The following IVNS1ABP variants were observed in gnomAD, a reference collection of about 807,000 sequenced individuals.
IVNS1ABP encodes the protein influenza virus NS1A-binding protein.
Under a neutral mutation model 78.9 loss-of-function variants are expected in IVNS1ABP, and 25 were observed. The observed-to-expected ratio is 0.32, with a 90% confidence interval of 0.23 to 0.44. IVNS1ABP has a LOEUF of 0.44. IVNS1ABP is among the 20% of genes least tolerant of loss of function. IVNS1ABP has a pLI of 1.00. For missense variants in IVNS1ABP, 494 were observed against 768.9 expected (o/e 0.64, Z 4.23); for synonymous variants, 241 against 259.7 (o/e 0.93, Z 0.69).
In IVNS1ABP at chr1:185,309,157, T is replaced by C. The variant is rs1665819600; in HGVS notation, c.127A>G (p.Met43Val). The C allele has an allele frequency of 6.3e-7, 1 of 1,591,070 alleles. No individual in the cohort carries two copies. The highest frequency in any genetic ancestry group is 8.5e-7 in the Non-Finnish European group (1 of 1,172,690). Residue 43 changes from methionine (M) to valine (V), a missense_variant, in exon 4 of 15, where the codon ATG becomes GTG. Met to Val is a conservative substitution (Grantham distance 21, BLOSUM62 1). Transcript: ENST00000367498. ...GCTAGCACTGCTCTGTGTGCTAACA[T>C]TTCATGGCCACAGACCTGAAATTAT... Reference protein sequence around the residue: ...DVRLQVCGHEMLAHRAVLACC... With the variant: ...DVRLQVCGHEVLAHRAVLACC...
intron 9 of IVNS1ABP, 40 bp downstream of exon 9, chr1:185,301,394 A>G: frequency 6.2e-7 from 1 of 1,606,684 alleles, no homozygotes; most frequent in Non-Finnish European, 8.5e-7. Context: ...TCTTAAAAAT[A>G]GGTAAGCTGA....
chr1:185,309,536 T>G (rs1372222077), intron 2 of IVNS1ABP, 25 bp from the exon 3 acceptor site: 8 of 1,122,730 alleles, frequency 7.1e-6, no homozygotes, highest in Non-Finnish European at 1.1e-5. Context: ...GAAAGCTGAG[T>G]TATTTTACTT....
chr1:185,305,716 A>G lies in IVNS1ABP; in HGVS notation c.658-73T>C. ...ACTCCACTAGTATGCAGATTACACA[A>G]ACGCCTCAAGGTAACCTCCAGTGTG... On this transcript the variant is annotated intron_variant, in intron 7 of 14. Transcript: ENST00000367498. This position sits in a 1 kb window ranked among gnomAD's most constrained non-coding sequence, Gnocchi z 4.0. 1.3e-6 allele frequency: 2 copies of G among 1,553,322 alleles called. No homozygotes were observed. The highest frequency in any genetic ancestry group is 1.8e-6 in the Non-Finnish European group (2 of 1,139,756).
Position 185,307,637 on chromosome 1 carries a change from C to G in IVNS1ABP, c.383G>C (p.Arg128Thr). Residue 128 changes from arginine (R) to threonine (T), a missense_variant, in exon 6 of 15, where the codon AGA (arginine) becomes ACA (threonine). Physicochemically the swap from Arg to Thr is moderately conservative, Grantham distance 71 (BLOSUM62 -1). Coordinates refer to ENST00000367498, the MANE Select transcript of IVNS1ABP (RefSeq NM_006469.5). Reference protein sequence around the residue: ...KQVCGDYLLSRMDVTSCISYR... With the variant: ...KQVCGDYLLSTMDVTSCISYR... ...AGAGATGCAGCTGGTAACATCCATT[C>G]TAGACAGTAAATAATCACCACAAAC... 6.2e-7 allele frequency: 1 copy of G among 1,613,386 alleles called. No individual in the cohort carries two copies. Among genetic ancestry groups the G allele is most frequent in the Non-Finnish European group, 8.5e-7 (1 of 1,179,582 alleles).
chr1:185,301,158 A>G lies in IVNS1ABP; in HGVS notation c.934T>C (p.Phe312Leu), dbSNP rs375500212. 1 of 1,613,470 alleles carries G rather than the reference A, an allele frequency of 6.2e-7. No individual in the cohort carries two copies. ...CTCCCATGAAGAAAAATGACACAGAATATACCATCCAGCACAGCCAGGCAC... is the reference window on the plus strand; with the variant it reads ...CTCCCATGAAGAAAAATGACACAGAGTATACCATCCAGCACAGCCAGGCAC... The part of the protein sequence containing the change: ...YLCLAVLDGI[F>L]CVIFLHGRNS... The change falls in exon 10 of 15, where the codon TTC (phenylalanine) becomes CTC (leucine). Residue 312 changes from phenylalanine (F) to leucine (L), a missense_variant. Phe to Leu is a conservative substitution (Grantham distance 22). Coordinates refer to ENST00000367498, the MANE Select transcript of IVNS1ABP (RefSeq NM_006469.5).
intron 1 of IVNS1ABP, among the ~76,000 whole-genome samples, 160 bp from the exon 2 acceptor site, chr1:185,311,482 C>A (rs1665884050): frequency 6.6e-6 from 1 of 150,470 alleles, no homozygotes; most frequent in Non-Finnish European, 1.5e-5. Flanking sequence ...AAATGCAATT[C>A]CACATAAACA....
intron 10 of IVNS1ABP, 123 bp downstream of exon 10, chr1:185,300,849 T>G: frequency 1.3e-6 from 1 of 747,374 alleles, no homozygotes; most frequent in South Asian, 1.8e-5. Flanking sequence ...TCAATAGTAT[T>G]GTTATTTCCC....
In IVNS1ABP at chr1:185,301,005, T is replaced by C. The variant is rs763797775; in HGVS notation, c.1087A>G (p.Thr363Ala). ...PMQYARSGLG[T>A]AEMNGKLIAA... ...ATGAGTTTGCCATTCATCTCTGCTG[T>C]TCCCAGACCAGATCGTGCGTACTGC... Residue 363 changes from threonine (T) to alanine (A), a missense_variant, in exon 10 of 15, where the codon ACA becomes GCA. By Grantham distance (58) the Thr-to-Ala change is moderately conservative. Transcript: ENST00000367498. The C allele has an allele frequency of 3.1e-6, 5 of 1,613,466 alleles. No homozygotes were observed. The highest frequency in any genetic ancestry group is 1.7e-5 in the Admixed American group (1 of 59,876).
At chr1:185,314,645 G>A (rs1666001635) in intron 1 of IVNS1ABP, among the ~76,000 whole-genome samples, 1 of 152,176 alleles carries the variant, frequency 6.6e-6, no homozygotes, top group Non-Finnish European at 1.5e-5. Context: ...AAGTGTGGGG[G>A]ATGGTCTAGA....
chr1:185,297,976 A>G lies in IVNS1ABP; in HGVS notation c.*59T>C. ...ACCCACCCTCTTTATTCACAAGTGTACCTCTACTAACCATAATTACATCAC... is the reference window on the plus strand; with the variant it reads ...ACCCACCCTCTTTATTCACAAGTGTGCCTCTACTAACCATAATTACATCAC... On this transcript the variant is annotated 3_prime_UTR_variant, in exon 15 of 15. Coordinates refer to ENST00000367498, the MANE Select transcript of IVNS1ABP (RefSeq NM_006469.5). 6.5e-7 allele frequency: 1 copy of G among 1,535,538 alleles called. No homozygotes were observed. The highest frequency in any genetic ancestry group is 8.9e-7 in the Non-Finnish European group (1 of 1,123,676).
At chr1:185,307,172 T>G (rs1266376157) in intron 6 of IVNS1ABP, 33 bp from the exon 7 acceptor site, 4 of 1,608,026 alleles carry the variant, frequency 2.5e-6, no homozygotes, top group Non-Finnish European at 3.4e-6. Context: ...CATGGATCAG[T>G]GTTGGGCTCC....
At position 185,307,471 on chromosome 1, in the gene IVNS1ABP, A is replaced by G; in HGVS notation, c.531+18T>C. 6.3e-7 allele frequency: 1 copy of G among 1,596,036 alleles called. No homozygotes were observed. The highest frequency in any genetic ancestry group is 8.6e-7 in the Non-Finnish European group (1 of 1,167,550). On this transcript the variant is annotated intron_variant, in intron 6 of 14. Transcript: ENST00000367498. ...GGAACTAGATAGTATATATCTGTTT[A>G]TAGACTTTACTCCTTACCTTTAGCC...
At chr1:185,310,972 C>A in intron 2 of IVNS1ABP, 123 bp downstream of exon 2, 1 of 223,556 alleles carries the variant, frequency 4.5e-6, no homozygotes, top group African/African-American at 2.2e-5. Flanking sequence ...GTTTTTTATA[C>A]TCAAATGATT....
In IVNS1ABP at chr1:185,298,143, G is replaced by A. The variant is rs767033492; in HGVS notation, c.1821C>T (p.Thr607=). 4.3e-6 allele frequency: 7 copies of A among 1,613,804 alleles called. No homozygotes were observed. Among genetic ancestry groups the A allele is most frequent in the Non-Finnish European group, 8.5e-7 (1 of 1,179,828 alleles). Residue 607 remains threonine (T), a synonymous_variant, in exon 15 of 15, where the codon ACC becomes ACT. Transcript: ENST00000367498. The surrounding 1 kb of genome is among the most constrained non-coding windows in gnomAD (Gnocchi z 4.1). ...SNAGIATVGN[T]IYAVGGFDGN... is the part of the protein sequence containing the mutation. ...CATCGAATCCTCCCACTGCATAAAT[G>A]GTGTTCCCTACAGTTGCAATCCCAG...
intron 7 of IVNS1ABP, chr1:185,306,432 C>T: frequency 7.9e-7 from 1 of 1,273,382 alleles, no homozygotes; most frequent in Non-Finnish European, 1.0e-6. Context: ...ATGAACAACA[C>T]CATTGAAAAA....
At chr1:185,312,414 G>T (rs1665912056) in intron 1 of IVNS1ABP, among the ~76,000 whole-genome samples, 1 of 152,154 alleles carries the variant, frequency 6.6e-6, no homozygotes, top group African/African-American at 2.4e-5. Flanking sequence ...GATATCTTAA[G>T]ATTATTTGCC....
intron 8 of IVNS1ABP, 109 bp from the exon 9 acceptor site, chr1:185,301,672 T>C: frequency 8.4e-7 from 1 of 1,192,606 alleles, no homozygotes; most frequent in Non-Finnish European, 1.2e-6. Context: ...ATATATGACA[T>C]TTATAGGACA....
intron 1 of IVNS1ABP, among the ~76,000 whole-genome samples, chr1:185,312,432 T>C (rs188231353): frequency 5.3e-5 from 8 of 152,312 alleles, no homozygotes; most frequent in African/African-American, 1.7e-4. Context: ...GCCTTATACA[T>C]CAATACAACA....
intron 8 of IVNS1ABP, among the ~76,000 whole-genome samples, chr1:185,302,483 T>C (rs1335268930): frequency 6.6e-6 from 1 of 152,164 alleles, no homozygotes; most frequent in African/African-American, 2.4e-5. Context: ...CCACTTGTGC[T>C]GGTCCAGATG....
Sources: allele counts gnomAD v4.1 joint callset (sites outside exome capture counted in the v4.1 genomes callset), GRCh38; gene constraint gnomAD v4.1.1; non-coding constraint Gnocchi (gnomAD v3.1); transcripts MANE v1.5; gene names NCBI Gene and HGNC (gene_info 2026-07-23, HGNC 2026-07-21).